HAT1: variants seen among roughly 807,000 people sequenced by gnomAD.
HAT1 encodes the protein histone acetyltransferase type B catalytic subunit.
In HAT1, 20 loss-of-function variants were observed where a neutral mutation model predicts 56.6. The ratio of observed to expected loss-of-function variants is 0.35; its 90% CI spans 0.25 to 0.51. The LOEUF is 0.51. HAT1 is among the 20% of genes least tolerant of loss of function. HAT1 has a pLI of 0.95. For missense variants in HAT1, 408 were observed against 504.3 expected (o/e 0.81, Z 1.83); for synonymous variants, 146 against 165.5 (o/e 0.88, Z 0.91).
At chr2:171,945,694 A>T (rs1687145674) in intron 2 of HAT1, among the ~76,000 whole-genome samples, 1 of 149,566 alleles carries the variant, frequency 6.7e-6, no homozygotes, top group Non-Finnish European at 1.5e-5. Context: ...TTTGAGAGAG[A>T]GTCTCGCTCT....
chr2:171,968,174 T>C (rs1687726953), intron 8 of HAT1, among the ~76,000 whole-genome samples: 2 of 152,278 alleles, frequency 1.3e-5, no homozygotes, highest in African/African-American at 4.8e-5. Context: ...TAGTAGTTAC[T>C]AAACTTCGTT....
At chr2:171,964,204 A>T (rs555693557) in intron 4 of HAT1, among the ~76,000 whole-genome samples, 1 of 152,284 alleles carries the variant, frequency 6.6e-6, no homozygotes, top group Admixed American at 6.5e-5. Flanking sequence ...TGTCCTAAGC[A>T]TCTTAATTTC....
chr2:171,937,581 A>T (rs1686901987), intron 2 of HAT1, among the ~76,000 whole-genome samples: 1 of 152,250 alleles, frequency 6.6e-6, no homozygotes, highest in Non-Finnish European at 1.5e-5. Flanking sequence ...TAAGTCAGAA[A>T]AACAAGGAGG....
At chr2:171,965,664 A>G (rs1266377460) in intron 5 of HAT1, 123 bp from the exon 6 acceptor site, 2 of 1,029,576 alleles carry the variant, frequency 1.9e-6, no homozygotes, top group Admixed American at 2.2e-5. Context: ...GTATGTCTGT[A>G]TCTATGTTCA....
intron 2 of HAT1, among the ~76,000 whole-genome samples, chr2:171,931,388 T>TGATA (rs1364212198): frequency 2.0e-5 from 3 of 149,180 alleles, no homozygotes; most frequent in African/African-American, 5.0e-5. Flanking sequence ...GACCCTGTCT[T>TGATA]GATAGATAGA....
chr2:171,979,488 A>G (rs1688079478), intron 10 of HAT1, 125 bp downstream of exon 10: 2 of 616,260 alleles, frequency 3.2e-6, no homozygotes, highest in African/African-American at 3.8e-5. Context: ...ACAAAAGTAG[A>G]AATATTCTTC....
chr2:171,957,479 A>G (rs920253401), intron 4 of HAT1, among the ~76,000 whole-genome samples: 1 of 152,142 alleles, frequency 6.6e-6, no homozygotes, highest in Non-Finnish European at 1.5e-5. Context: ...AGGTTCATAG[A>G]TGGAGAGGAA....
intron 2 of HAT1, among the ~76,000 whole-genome samples, chr2:171,929,192 GTTTTAATTGTC>G (rs1686674221): frequency 6.6e-6 from 1 of 151,916 alleles, no homozygotes; most frequent in Non-Finnish European, 1.5e-5. Context: ...GATTAAATAG[GTTTTAATTGTC>G]TTTTCCCTCA....
At chr2:171,926,282 G>A (rs1033704292) in intron 2 of HAT1, among the ~76,000 whole-genome samples, 3 of 151,938 alleles carry the variant, frequency 2.0e-5, no homozygotes, top group African/African-American at 7.3e-5. Context: ...ACCCAAGCCT[G>A]GCTAATTTTT....
At chr2:171,960,683 C>T (rs1687550705) in intron 4 of HAT1, among the ~76,000 whole-genome samples, 1 of 152,116 alleles carries the variant, frequency 6.6e-6, no homozygotes. Context: ...CTTGATTATT[C>T]AGACACTGAT....
chr2:171,966,296 TCA>T (rs1418453158), intron 6 of HAT1, 111 bp from the exon 7 acceptor site: 1 of 720,516 alleles, frequency 1.4e-6, no homozygotes, highest in East Asian at 2.7e-5. Flanking sequence ...CATTGGGCCC[TCA>T]CAGAGTAGCT....
chr2:171,978,335 C>G (rs935224177), intron 9 of HAT1, among the ~76,000 whole-genome samples: 8 of 152,168 alleles, frequency 5.3e-5, no homozygotes, highest in African/African-American at 1.7e-4. Flanking sequence ...GCATGAGCCA[C>G]CATGTCCAGC....
intron 3 of HAT1, among the ~76,000 whole-genome samples, chr2:171,950,208 G>T (rs1246303541): frequency 6.6e-6 from 1 of 152,018 alleles, no homozygotes; most frequent in Admixed American, 6.6e-5. Context: ...TTGCTCTGTT[G>T]CCCAGGCTGG....
At chr2:171,968,797 T>C (rs55975050) in intron 8 of HAT1, among the ~76,000 whole-genome samples, 6,320 of 152,246 alleles carry the variant, frequency 0.042, 137 homozygotes, top group Non-Finnish European at 0.051. Context: ...TCTTCTGTCA[T>C]TTAGTTGCCT....
At chr2:171,979,823 AAAAG>A in intron 10 of HAT1, 1 of 152,970 alleles carries the variant, frequency 6.5e-6, no homozygotes, top group Non-Finnish European at 1.4e-5. Flanking sequence ...AAAAGAAAAG[AAAAG>A]AAAAAAAACC....
intron 2 of HAT1, among the ~76,000 whole-genome samples, chr2:171,943,614 A>C (rs950659173): frequency 2.6e-5 from 4 of 150,960 alleles, no homozygotes; most frequent in Admixed American, 1.3e-4. Context: ...TCAACAGTTA[A>C]CATTTTGCCA....
chr2:171,981,131 T>C (rs1352892044), intron 10 of HAT1, among the ~76,000 whole-genome samples: 1 of 151,688 alleles, frequency 6.6e-6, no homozygotes, highest in East Asian at 1.9e-4. Context: ...GATTGCGCCA[T>C]TGTACTCCAG....
intron 8 of HAT1, among the ~76,000 whole-genome samples, chr2:171,968,390 G>A (rs1431312122): frequency 6.6e-6 from 1 of 152,122 alleles, no homozygotes; most frequent in African/African-American, 2.4e-5. Context: ...AGTAGTCTTT[G>A]TCTACTCTAG....
intron 2 of HAT1, among the ~76,000 whole-genome samples, chr2:171,938,904 C>T (rs1341416140): frequency 6.6e-6 from 1 of 152,084 alleles, no homozygotes; most frequent in Non-Finnish European, 1.5e-5. Context: ...CCAAACCCCA[C>T]TAATTTTTGT....
Sources: gnomAD v4.1 joint callset for allele counts (sites outside exome capture counted in the v4.1 genomes callset) on GRCh38, gnomAD v4.1.1 for gene constraint, MANE v1.5 for transcripts, NCBI Gene and HGNC (gene_info 2026-07-23, HGNC 2026-07-21) for gene names.